The following WDR26 variants were observed in gnomAD, a reference collection of about 807,000 sequenced individuals.
The protein encoded by WDR26 is WD repeat domain 26.
Under a neutral mutation model 84.1 loss-of-function variants are expected in WDR26, and 5 were observed. The observed-to-expected ratio is 0.06, with a 90% CI of 0.03 to 0.13. The LOEUF (loss-of-function observed/expected upper bound fraction) is 0.13, where lower values mean the gene tolerates loss of function less well. WDR26 is among the 10% of genes least tolerant of loss of function. WDR26 has a pLI of 1.00. For missense variants in WDR26, 642 were observed against 974.9 expected (o/e 0.66, Z 4.55); for synonymous variants, 415 against 389.6 (o/e 1.07, Z -0.77).
intron 4 of WDR26, among the ~76,000 whole-genome samples, chr1:224,422,726 A>AG (rs397939425): frequency 1.3e-5 from 2 of 150,702 alleles, no homozygotes; most frequent in Middle Eastern, 3.4e-3. Context: ...AAAAAAAAAA[A>AG]GGAAAGAAAT....
chr1:224,385,261 C>T lies in WDR26; in HGVS notation c.*4574G>A, dbSNP rs975903338. On this transcript the variant is annotated 3_prime_UTR_variant, in exon 14 of 14. Transcript: ENST00000414423. Reference sequence around the variant, plus strand: ...AAAAAAAAATCCCAGTAAAGCAAATCAAAGTTAATGTAGTTTCAGTTGAAC... The same window carrying T: ...AAAAAAAAATCCCAGTAAAGCAAATTAAAGTTAATGTAGTTTCAGTTGAAC... The T allele has an allele frequency of 6.6e-6, 1 of 151,984 alleles. No homozygotes were observed. Among genetic ancestry groups the T allele is most frequent in the Non-Finnish European group, 1.5e-5 (1 of 67,974 alleles). The allele number at this position is 151,984 out of a possible 1,614,324, so 9.4% of individuals were successfully genotyped here. A position where few individuals can be genotyped will look rare whatever the true frequency, so the allele number is the denominator to read the frequency against.
At chr1:224,402,726 A>G (rs1673451332) in intron 8 of WDR26, among the ~76,000 whole-genome samples, 1 of 152,252 alleles carries the variant, frequency 6.6e-6, no homozygotes, top group African/African-American at 2.4e-5. Flanking sequence ...CTTCTAGGTC[A>G]GACTCACTGC....
At position 224,398,963 on chromosome 1, in the gene WDR26, T is replaced by C. The variant is rs778853305; in HGVS notation, c.1791A>G (p.Gly597=). 9.9e-6 allele frequency: 16 copies of C among 1,612,740 alleles called. No homozygotes were observed. Among genetic ancestry groups the C allele is most frequent in the African/African-American group, 1.3e-5 (1 of 74,818 alleles). The change falls in exon 10 of 14, where the codon GGA becomes GGG. Residue 597 remains glycine (G), a synonymous_variant. Coordinates refer to ENST00000414423, the MANE Select transcript of WDR26 (RefSeq NM_001379403.1). Reference sequence around the variant, plus strand: ...GTGTATCTGATGCCAGAACAGTCTTTCCATCACTCAAGCACCAAAGGCATT... The same window carrying C: ...GTGTATCTGATGCCAGAACAGTCTTCCCATCACTCAAGCACCAAAGGCATT...
intron 5 of WDR26, 27 bp downstream of exon 5, chr1:224,419,491 A>G (rs781225554): frequency 5.9e-6 from 9 of 1,538,418 alleles, no homozygotes; most frequent in Admixed American, 5.0e-5. Context: ...GAGAAAACAC[A>G]GCAACATAAA....
rs986362925 is a variant in WDR26 at position 224,406,993 on chromosome 1, G to A, written c.1459-2423C>T. Among the ~76,000 whole-genome samples the A allele has an allele frequency of 1.1e-4, 17 of 149,912 alleles. No homozygotes were observed. The East Asian group carries it at 2.9e-3, about 26-fold the overall frequency. On this transcript the variant is annotated intron_variant, in intron 7 of 13. Coordinates refer to ENST00000414423, the MANE Select transcript of WDR26 (RefSeq NM_001379403.1). ...AAAAATTAGCCGGGTGTGGTGGTGG[G>A]TGCCTGTAATCCCAGCTGCTCGGGA...
chr1:224,434,170 G>A lies in WDR26; in HGVS notation c.236C>T (p.Ala79Val). ...GGGGACAGCAGCGGCGGCGGGAGGGGCAGCAGCCGGGGGAAGTCCCACCAC... is the reference window on the plus strand; with the variant it reads ...GGGGACAGCAGCGGCGGCGGGAGGGACAGCAGCCGGGGGAAGTCCCACCAC... Residue 79 changes from alanine to valine, a missense_variant, in exon 1 of 14, where the codon GCC (alanine) becomes GTC (valine). Transcript: ENST00000414423. 2.1e-6 allele frequency: 3 copies of A among 1,423,136 alleles called. No homozygotes were observed. Among genetic ancestry groups the A allele is most frequent in the Non-Finnish European group, 2.7e-6 (3 of 1,093,572 alleles). The allele number at this position is 1,423,136 out of a possible 1,614,324, so 88.2% of individuals were successfully genotyped here. A position where few individuals can be genotyped will look rare whatever the true frequency, so the allele number is the denominator to read the frequency against.
chr1:224,394,031 C>G lies in WDR26; in HGVS notation c.2075-18G>C. 1.4e-6 allele frequency: 2 copies of G among 1,416,656 alleles called. No individual in the cohort carries two copies. The highest frequency in any genetic ancestry group is 9.4e-7 in the Non-Finnish European group (1 of 1,067,988). 87.8% of individuals were successfully genotyped at this position (1,416,656 alleles called of 1,614,324 possible). A position where few individuals can be genotyped will look rare whatever the true frequency, so the allele number is the denominator to read the frequency against. ...CTTGTGATCTGAACATATAGTAATT[C>G]AGAAAAAAGTTTTACATTAATAAAA... On this transcript the variant is annotated intron_variant, in intron 12 of 13. Coordinates refer to ENST00000414423, the MANE Select transcript of WDR26 (RefSeq NM_001379403.1).
intron 3 of WDR26, among the ~76,000 whole-genome samples, chr1:224,425,977 C>A (rs1674199363): frequency 6.6e-6 from 1 of 152,082 alleles, no homozygotes; most frequent in African/African-American, 2.4e-5. Context: ...CCTGCCTCAG[C>A]CTCCTAAGTA....
chr1:224,405,714 C>T (rs1176666668), intron 7 of WDR26, among the ~76,000 whole-genome samples: 1 of 152,182 alleles, frequency 6.6e-6, no homozygotes, highest in Admixed American at 6.5e-5. Context: ...TCTGGGCTGC[C>T]TCACTTAAAA....
chr1:224,410,163 C>T (rs1263524488), intron 7 of WDR26, among the ~76,000 whole-genome samples: 1 of 151,506 alleles, frequency 6.6e-6, no homozygotes, highest in Non-Finnish European at 1.5e-5. Flanking sequence ...CGCTTGTAAT[C>T]CCAGCTACTC....
At position 224,393,872 on chromosome 1, in the gene WDR26, C is replaced by G. The variant is rs1478797894; in HGVS notation, c.2216G>C (p.Arg739Thr). Residue 739 changes from arginine to threonine, a missense_variant, in exon 13 of 14, where the codon AGA becomes ACA. Transcript: ENST00000414423. Reference sequence around the variant, plus strand: ...TATAAAAGGTGCTGGTCCCCATATTCTAACAGTGCCATCATCTGAGGCGCT... The same window carrying G: ...TATAAAAGGTGCTGGTCCCCATATTGTAACAGTGCCATCATCTGAGGCGCT... The G allele has an allele frequency of 6.3e-7, 1 of 1,580,868 alleles. No homozygotes were observed. The highest frequency in any genetic ancestry group is 8.7e-7 in the Non-Finnish European group (1 of 1,154,276).
At chr1:224,400,487 T>C (rs113892860) in intron 9 of WDR26, among the ~76,000 whole-genome samples, 23 of 152,218 alleles carry the variant, frequency 1.5e-4, no homozygotes, top group Admixed American at 3.3e-4. Context: ...GAAAATTCTA[T>C]TGGACAGCGC....
intron 6 of WDR26, among the ~76,000 whole-genome samples, chr1:224,413,837 T>C (rs1162157415): frequency 2.0e-5 from 3 of 152,138 alleles, no homozygotes; most frequent in African/African-American, 7.2e-5. Flanking sequence ...TGAGATGGAG[T>C]CTCGCTCTGT....
At chr1:224,433,607 T>TCCC in intron 1 of WDR26, 77 bp downstream of exon 1, 1 of 250,554 alleles carries the variant, frequency 4.0e-6, no homozygotes, top group Non-Finnish European at 5.5e-6. Context: ...CCCTCCCCCC[T>TCCC]CCGCCCCTTC....
chr1:224,428,742 CAAAAAAAA>C (rs11452219), intron 3 of WDR26, among the ~76,000 whole-genome samples: 1 of 136,088 alleles, frequency 7.3e-6, no homozygotes, highest in Admixed American at 7.6e-5. Context: ...ACTAAAAATA[CAAAAAAAA>C]AAAAAATTAG....
intron 4 of WDR26, among the ~76,000 whole-genome samples, chr1:224,422,446 T>C (rs1674090927): frequency 6.6e-6 from 1 of 152,208 alleles, no homozygotes; most frequent in Admixed American, 6.5e-5. Flanking sequence ...CCTGGTACAG[T>C]GGCTCACGCC....
intron 9 of WDR26, among the ~76,000 whole-genome samples, chr1:224,400,509 G>A (rs1382286802): frequency 6.6e-6 from 1 of 152,064 alleles, no homozygotes; most frequent in Non-Finnish European, 1.5e-5. Flanking sequence ...TGTCTACGAC[G>A]ACAGCAAAGT....
At chr1:224,431,968 C>G (rs1454812610) in intron 1 of WDR26, among the ~76,000 whole-genome samples, 187 bp from the exon 2 acceptor site, 5 of 152,154 alleles carry the variant, frequency 3.3e-5, no homozygotes, top group Admixed American at 3.3e-4. Context: ...TTTTCCTAGT[C>G]AAGTTAAAAA....
intron 3 of WDR26, chr1:224,429,535 CAATT>C (rs995840069): frequency 2.0e-5 from 3 of 152,092 alleles, no homozygotes; most frequent in African/African-American, 4.8e-5. Flanking sequence ...AATTTAAACA[CAATT>C]AGAGAGGTGA....
Sources: gnomAD v4.1 joint callset for allele counts (sites outside exome capture counted in the v4.1 genomes callset) on GRCh38, gnomAD v4.1.1 for gene constraint, MANE v1.5 for transcripts, NCBI Gene and HGNC (gene_info 2026-07-23, HGNC 2026-07-21) for gene names.